Variants in PRDM5 observed in about 807,000 individuals in gnomAD.
The protein encoded by PRDM5 is PR/SET domain 5, also known as PR domain zinc finger protein 5.
In PRDM5, 56 loss-of-function variants were observed where a neutral mutation model predicts 81.2. That is an observed-to-expected ratio of 0.69 (90% CI 0.56 to 0.86). The LOEUF (loss-of-function observed/expected upper bound fraction) is 0.86. PRDM5 is among the 40% of genes least tolerant of loss of function. The pLI is 0.00. For missense variants in PRDM5, 697 were observed against 770.1 expected (o/e 0.91, Z 1.12); for synonymous variants, 267 against 256.4 (o/e 1.04, Z -0.39).
At chr4:120,752,173 G>C (rs541821569) in intron 14 of PRDM5, among the ~76,000 whole-genome samples, 3 of 152,246 alleles carry the variant, frequency 2.0e-5, no homozygotes, top group Admixed American at 2.0e-4. Context: ...TAGTTTGATT[G>C]TACTAGCTGA....
At chr4:120,837,431 C>A (rs1019241156) in intron 3 of PRDM5, 3 of 152,158 alleles carry the variant, frequency 2.0e-5, no homozygotes, top group Non-Finnish European at 2.9e-5. Context: ...TAAAAGTCAT[C>A]AACTTTATTC....
chr4:120,698,681 C>G lies in PRDM5; in HGVS notation c.1729-3406G>C, dbSNP rs1734879811. ...AACTGAACTCAGAATTCTTGTCTTTCAAACCTAAGTCTCAAAAAATGGTCC... is the reference window on the plus strand; with the variant it reads ...AACTGAACTCAGAATTCTTGTCTTTGAAACCTAAGTCTCAAAAAATGGTCC... On this transcript the variant is annotated intron_variant, in intron 15 of 15. Coordinates refer to ENST00000264808, the MANE Select transcript of PRDM5 (RefSeq NM_018699.4). 2.6e-5 allele frequency among the ~76,000 whole-genome samples: 4 copies of G among 152,136 alleles called. No homozygotes were observed. The South Asian group carries it at 8.3e-4, about 31-fold the overall frequency.
chr4:120,911,477 C>T (rs958617239), intron 1 of PRDM5, among the ~76,000 whole-genome samples: 3 of 152,156 alleles, frequency 2.0e-5, no homozygotes, highest in African/African-American at 7.2e-5. Context: ...CTGAATAAAG[C>T]AGATAATTAA....
chr4:120,901,291 G>A (rs1765196695), intron 2 of PRDM5, among the ~76,000 whole-genome samples: 1 of 152,118 alleles, frequency 6.6e-6, no homozygotes, highest in African/African-American at 2.4e-5. Flanking sequence ...CACAAAATCA[G>A]AAACTGCCCA....
intron 3 of PRDM5, chr4:120,838,258 C>A (rs1757588545): frequency 6.6e-6 from 1 of 152,168 alleles, no homozygotes; most frequent in Admixed American, 6.5e-5. Flanking sequence ...CTCAAGCTGT[C>A]TTTTTTTGGG....
At chr4:120,686,805 T>C (rs1010944143) in intron 1 of PRDM5, among the ~76,000 whole-genome samples, 2 of 152,018 alleles carry the variant, frequency 1.3e-5, no homozygotes, top group Non-Finnish European at 2.9e-5. Flanking sequence ...AACATTAGTT[T>C]TAATTTAATC....
At chr4:120,849,483 A>T (rs1178688031) in intron 3 of PRDM5, among the ~76,000 whole-genome samples, 8 of 152,158 alleles carry the variant, frequency 5.3e-5, no homozygotes, top group Non-Finnish European at 8.8e-5. Context: ...CATTTAGACC[A>T]TCCTCACATC....
chr4:120,873,214 G>C (rs920429926), intron 2 of PRDM5, among the ~76,000 whole-genome samples: 2 of 152,048 alleles, frequency 1.3e-5, no homozygotes, highest in Non-Finnish European at 2.9e-5. Flanking sequence ...ATGTTGGCCA[G>C]GCTGGTCTCG....
chr4:120,686,727 C>A (rs1055430969), intron 1 of PRDM5, among the ~76,000 whole-genome samples: 8 of 151,966 alleles, frequency 5.3e-5, no homozygotes, highest in Admixed American at 2.6e-4. Context: ...AATAATTGAC[C>A]ATTCCCTTCC....
rs202066282 is a variant in PRDM5 at position 120,757,859 on chromosome 4, CCTT to C, written c.1538-3224_1538-3222del. Among the ~76,000 whole-genome samples the C allele has an allele frequency of 9.1e-3, 1,369 of 151,136 alleles. 12 individuals are homozygous for C. The highest frequency in any genetic ancestry group is 0.03 in the African/African-American group (1,220 of 40,852). ...TTTCTCTCCTCCTCTTCCTCCTCCTCCTTCTTCTTCTTTCTCTTCTCTTCTCCT... is the reference window on the plus strand; with the variant it reads ...TTTCTCTCCTCCTCTTCCTCCTCCTCCTTCTTCTTTCTCTTCTCTTCTCCT... On this transcript the variant is annotated intron_variant, in intron 13 of 15. Coordinates refer to ENST00000264808, the MANE Select transcript of PRDM5 (RefSeq NM_018699.4).
At chr4:120,873,306 C>T (rs555766372) in intron 2 of PRDM5, among the ~76,000 whole-genome samples, 15 of 152,196 alleles carry the variant, frequency 9.9e-5, no homozygotes, top group Non-Finnish European at 1.5e-4. Context: ...GCCCTGACCA[C>T]AATTTTTAAG....
chr4:120,863,077 C>A (rs773895061), intron 2 of PRDM5, among the ~76,000 whole-genome samples: 2 of 147,310 alleles, frequency 1.4e-5, no homozygotes, highest in Non-Finnish European at 3.0e-5. Flanking sequence ...AGAATTGCTG[C>A]AACCCAGGAG....
chr4:120,920,149 T>C (rs1241823991), intron 1 of PRDM5, among the ~76,000 whole-genome samples: 1 of 152,130 alleles, frequency 6.6e-6, no homozygotes, highest in African/African-American at 2.4e-5. Flanking sequence ...CTCAACCTGG[T>C]GAATGTAATG....
At chr4:120,812,938 T>C (rs1754040786) in intron 7 of PRDM5, 1 of 164,246 alleles carries the variant, frequency 6.1e-6, no homozygotes, top group South Asian at 1.4e-4. Context: ...TTGTGTTAAT[T>C]CTTTTACATT....
rs1765948695 is a variant in PRDM5 at position 120,907,458 on chromosome 4, T to C, written c.177+16A>G. On this transcript the variant is annotated intron_variant, in intron 2 of 15. Coordinates refer to ENST00000264808, the MANE Select transcript of PRDM5 (RefSeq NM_018699.4). Reference sequence around the variant, plus strand: ...TACAAATATATTTTTAACATTAAAATAAGTCATATCCTCACCTCCCACATC... The same window carrying C: ...TACAAATATATTTTTAACATTAAAACAAGTCATATCCTCACCTCCCACATC... The C allele has an allele frequency of 1.3e-6, 2 of 1,557,586 alleles. No homozygotes were observed. The highest frequency in any genetic ancestry group is 1.8e-6 in the Non-Finnish European group (2 of 1,128,792).
chr4:120,872,725 G>A (rs1761959367), intron 2 of PRDM5, among the ~76,000 whole-genome samples: 1 of 152,126 alleles, frequency 6.6e-6, no homozygotes. Flanking sequence ...CTGTACTAAA[G>A]CCTGGGTGAC....
intron 15 of PRDM5, among the ~76,000 whole-genome samples, chr4:120,707,284 T>A: frequency 6.7e-6 from 1 of 149,214 alleles, no homozygotes; most frequent in Non-Finnish European, 1.5e-5. Flanking sequence ...AATAGGAAAA[T>A]CAAACAAAGT....
At chr4:120,837,893 T>G (rs1049056297) in intron 3 of PRDM5, 3 of 152,204 alleles carry the variant, frequency 2.0e-5, no homozygotes, top group Non-Finnish European at 2.9e-5. Flanking sequence ...AGGACTTAAT[T>G]AACCACAGGA....
At chr4:120,842,944 C>T (rs1357787700) in intron 3 of PRDM5, among the ~76,000 whole-genome samples, 1 of 152,166 alleles carries the variant, frequency 6.6e-6, no homozygotes, top group Non-Finnish European at 1.5e-5. Context: ...CCCCATAAGG[C>T]TATAATTTCT....
Sources: gnomAD v4.1 joint callset for allele counts (sites outside exome capture counted in the v4.1 genomes callset) on GRCh38, gnomAD v4.1.1 for gene constraint, MANE v1.5 for transcripts, NCBI Gene and HGNC (gene_info 2026-07-23, HGNC 2026-07-21) for gene names.